PCDH7: variants seen among roughly 807,000 people sequenced by gnomAD.
PCDH7 encodes the protein protocadherin 7.
PCDH7 carries 17 observed loss-of-function variants against 58.9 expected under a neutral mutation model. The ratio of observed to expected loss-of-function variants is 0.29; its 90% CI spans 0.20 to 0.43. PCDH7 has a LOEUF of 0.43. PCDH7 is among the 20% of genes least tolerant of loss of function. PCDH7 has a pLI of 1.00. For missense variants in PCDH7, 1,274 were observed against 1,441.0 expected (o/e 0.88, Z 1.88); for synonymous variants, 664 against 616.4 (o/e 1.08, Z -1.14).
At chr4:31,107,654 T>C (rs1291129728) in intron 3 of PCDH7, among the ~76,000 whole-genome samples, 1 of 152,182 alleles carries the variant, frequency 6.6e-6, no homozygotes, top group East Asian at 1.9e-4. Context: ...AGTTTCACTT[T>C]GGGCTTTGGG....
chr4:31,124,625 T>C (rs1216397407), intron 3 of PCDH7, among the ~76,000 whole-genome samples: 3 of 152,198 alleles, frequency 2.0e-5, no homozygotes, highest in Admixed American at 1.3e-4. Flanking sequence ...ATTTATTAGA[T>C]TTATGGATTG....
At chr4:30,987,405 G>A (rs1352115229) in intron 3 of PCDH7, among the ~76,000 whole-genome samples, 1 of 151,860 alleles carries the variant, frequency 6.6e-6, no homozygotes, top group African/African-American at 2.4e-5. Context: ...AAGTACAGAC[G>A]TCAAGTTGGC....
chr4:30,785,343 G>A (rs1460544822), intron 1 of PCDH7, among the ~76,000 whole-genome samples: 3 of 151,968 alleles, frequency 2.0e-5, no homozygotes, highest in African/African-American at 4.8e-5. Flanking sequence ...TATGGTTTGT[G>A]TAAATTAACA....
chr4:31,102,450 C>T (rs539400104), intron 3 of PCDH7, among the ~76,000 whole-genome samples: 28 of 152,118 alleles, frequency 1.8e-4, no homozygotes, highest in Admixed American at 3.9e-4. Context: ...GGGCTGGGCA[C>T]GGTGCCTCAT....
At chr4:30,851,365 A>G (rs1047890217) in intron 1 of PCDH7, among the ~76,000 whole-genome samples, 27 of 152,158 alleles carry the variant, frequency 1.8e-4, no homozygotes, top group African/African-American at 6.5e-4. Flanking sequence ...CTAGAGTCAG[A>G]ATTCCAACCA....
At chr4:30,835,701 T>C (rs563203192) in intron 1 of PCDH7, among the ~76,000 whole-genome samples, 1 of 152,134 alleles carries the variant, frequency 6.6e-6, no homozygotes, top group Non-Finnish European at 1.5e-5. Flanking sequence ...TTTGGGCCGC[T>C]CACAGCCATT....
At chr4:31,037,102 A>G (rs576081865) in intron 3 of PCDH7, among the ~76,000 whole-genome samples, 4 of 152,242 alleles carry the variant, frequency 2.6e-5, no homozygotes, top group African/African-American at 7.2e-5. Context: ...AACCATATCA[A>G]TACCTTACTA....
rs1757799637 is a variant in PCDH7, at chr4:31,062,919, C to G, written c.*8-79554C>G. On this transcript the variant is annotated intron_variant, in intron 3 of 3. Transcript: ENST00000509759. ...TGCTGTTTTAGCATAAATTTTGAGG[C>G]TGTGTATAATGTATATAATATATTA... Among the ~76,000 whole-genome samples the G allele has an allele frequency of 2.0e-5, 3 of 151,644 alleles. No individual in the cohort carries two copies. In the Admixed American group the frequency reaches 2.0e-4, roughly 10 times the overall value.
intron 1 of PCDH7, among the ~76,000 whole-genome samples, chr4:30,749,849 C>T (rs1193638635): frequency 2.0e-5 from 3 of 152,098 alleles, no homozygotes; most frequent in African/African-American, 4.8e-5. Flanking sequence ...TTTAAAAATT[C>T]CATATGTACC....
chr4:30,979,137 T>C (rs1031648572), intron 3 of PCDH7, among the ~76,000 whole-genome samples: 5 of 151,724 alleles, frequency 3.3e-5, no homozygotes, highest in African/African-American at 4.8e-5. Flanking sequence ...CCATCCTGGC[T>C]AACACAGTGA....
intron 1 of PCDH7, among the ~76,000 whole-genome samples, chr4:30,854,085 C>T (rs972232110): frequency 1.3e-5 from 2 of 151,734 alleles, no homozygotes; most frequent in Non-Finnish European, 2.9e-5. Flanking sequence ...CCATTATTAA[C>T]ACACCAACTT....
At chr4:30,836,769 A>T (rs567765628) in intron 1 of PCDH7, among the ~76,000 whole-genome samples, 2 of 152,256 alleles carry the variant, frequency 1.3e-5, no homozygotes, top group South Asian at 2.1e-4. Flanking sequence ...CCAAAATAGG[A>T]TTATAATATC....
At chr4:31,141,046 T>C (rs1241166901) in intron 3 of PCDH7, among the ~76,000 whole-genome samples, 3 of 152,188 alleles carry the variant, frequency 2.0e-5, no homozygotes, top group Non-Finnish European at 4.4e-5. Flanking sequence ...CAGTTACCCA[T>C]CATTGAAGGA....
rs1393884334 is a variant in PCDH7, at chr4:31,032,355, C to A, written c.*7+82140C>A. ...GGACCTTGTGGCTCACGCCTGTAAT[C>A]CCAGCACTTTGGGAGGCCAAGGCGG... On this transcript the variant is annotated intron_variant, in intron 3 of 3. Coordinates refer to the PCDH7 transcript ENST00000509759. 3.9e-5 allele frequency among the ~76,000 whole-genome samples: 6 copies of A among 152,086 alleles called. No individual in the cohort carries two copies. In the South Asian group the frequency reaches 1.0e-3, roughly 26 times the overall value.
intron 1 of PCDH7, among the ~76,000 whole-genome samples, chr4:30,910,495 G>T (rs1183864900): frequency 6.6e-6 from 1 of 152,082 alleles, no homozygotes; most frequent in Non-Finnish European, 1.5e-5. Flanking sequence ...GTTAAAAAGT[G>T]GGCAAAGGAT....
At position 31,086,041 on chromosome 4, in the gene PCDH7, A is replaced by G. The variant is rs547366564; in HGVS notation, c.*8-56432A>G. Among the ~76,000 whole-genome samples the G allele has an allele frequency of 2.6e-5, 4 of 152,336 alleles. No individual in the cohort carries two copies. The South Asian group carries it at 8.3e-4, about 32-fold the overall frequency. On this transcript the variant is annotated intron_variant, in intron 3 of 3. Transcript: ENST00000509759. ...GTATTTTGTCAGCTAGGAAAGGATC[A>G]GGAAACTGAGGGCTTTGAATCAGTT...
At position 30,834,354 on chromosome 4, in the gene PCDH7, G is replaced by A. The variant is rs546934918; in HGVS notation, c.71-85799G>A. 4.6e-5 allele frequency among the ~76,000 whole-genome samples: 7 copies of A among 152,152 alleles called. No homozygotes were observed. In the South Asian group the frequency reaches 1.0e-3, roughly 23 times the overall value. On this transcript the variant is annotated intron_variant, in intron 1 of 3. Coordinates refer to the PCDH7 transcript ENST00000509759. ...TTGTATCATTGCTCCTGCTCATCACGATAAAGCAATATATCAGATACAATT... is the reference window on the plus strand; with the variant it reads ...TTGTATCATTGCTCCTGCTCATCACAATAAAGCAATATATCAGATACAATT...
At chr4:31,134,483 A>G (rs914348131) in intron 3 of PCDH7, among the ~76,000 whole-genome samples, 1 of 152,116 alleles carries the variant, frequency 6.6e-6, no homozygotes, top group Non-Finnish European at 1.5e-5. Flanking sequence ...AAACAAACAA[A>G]AAAGAAGTAG....
intron 3 of PCDH7, among the ~76,000 whole-genome samples, chr4:30,991,512 T>A (rs898835550): frequency 1.2e-4 from 18 of 152,220 alleles, no homozygotes; most frequent in Non-Finnish European, 2.6e-4. Flanking sequence ...ACTGATTTTT[T>A]AATATTTTAT....
Sources: allele counts gnomAD v4.1 joint callset (sites outside exome capture counted in the v4.1 genomes callset), GRCh38; gene constraint gnomAD v4.1.1; transcripts MANE v1.5; gene names NCBI Gene and HGNC (gene_info 2026-07-23, HGNC 2026-07-21).